TENM3: variants seen among roughly 807,000 people sequenced by gnomAD.
TENM3 encodes the protein teneurin transmembrane protein 3, also known as teneurin-3.
TENM3 carries 63 observed loss-of-function variants against 255.1 expected under a neutral mutation model. The observed-to-expected ratio is 0.25, with a 90% CI of 0.20 to 0.30. TENM3 has a LOEUF of 0.30. Among genes scored for constraint, TENM3 ranks in the 10% least tolerant of loss-of-function variants. TENM3 has a pLI of 1.00. For missense variants in TENM3, 2,929 were observed against 3,461.1 expected (o/e 0.85, Z 3.86); for synonymous variants, 1,306 against 1,322.3 (o/e 0.99, Z 0.27).
intron 12 of TENM3, among the ~76,000 whole-genome samples, chr4:182,706,262 A>T (rs1758275350): frequency 6.6e-6 from 1 of 152,150 alleles, no homozygotes; most frequent in African/African-American, 2.4e-5. Context: ...TAGCATTTTG[A>T]TCTTAGGAAA....
the TENM3 span, among the ~76,000 whole-genome samples, chr4:181,449,420 A>G: frequency 6.6e-6 from 1 of 152,148 alleles, no homozygotes; most frequent in Non-Finnish European, 1.5e-5. Context: ...GAAGGGGGAG[A>G]AAAGTGAGTA....
chr4:182,019,672 G>GGTT, the TENM3 span, among the ~76,000 whole-genome samples: 1 of 152,152 alleles, frequency 6.6e-6, no homozygotes, highest in African/African-American at 2.4e-5. Flanking sequence ...TATTTACTTG[G>GGTT]GTTGTTGTTG....
intron 24 of TENM3, among the ~76,000 whole-genome samples, chr4:182,775,816 A>C (rs187721968): frequency 6.6e-6 from 1 of 152,276 alleles, no homozygotes; most frequent in Admixed American, 6.5e-5. Context: ...ATGAGGCTCT[A>C]CTTTTTGCTA....
the TENM3 span, among the ~76,000 whole-genome samples, chr4:181,901,765 G>T: frequency 6.6e-6 from 1 of 152,088 alleles, no homozygotes; most frequent in Non-Finnish European, 1.5e-5. Context: ...TTAGTGTAAA[G>T]TTATGGATTA....
chr4:182,355,774 G>A (rs2150735488), intron 3 of TENM3, among the ~76,000 whole-genome samples: 1 of 152,216 alleles, frequency 6.6e-6, no homozygotes, highest in Admixed American at 6.5e-5. Context: ...GAGACTCAGT[G>A]AGTGATGGTA....
At chr4:182,485,191 T>A (rs973189905) in intron 3 of TENM3, among the ~76,000 whole-genome samples, 29 of 152,146 alleles carry the variant, frequency 1.9e-4, no homozygotes, top group African/African-American at 6.8e-4. Flanking sequence ...CTCGTTTGTA[T>A]TTTTAGGAGT....
intron 3 of TENM3, among the ~76,000 whole-genome samples, chr4:182,532,294 T>A (rs1739854604): frequency 1.3e-5 from 2 of 152,168 alleles, no homozygotes; most frequent in Non-Finnish European, 2.9e-5. Context: ...AACCTACCAT[T>A]TTGAAGATTC....
chr4:182,044,055 C>G, the TENM3 span, among the ~76,000 whole-genome samples: 4 of 152,082 alleles, frequency 2.6e-5, no homozygotes, highest in African/African-American at 7.2e-5. Flanking sequence ...CTCTGAGATA[C>G]ATATTGAAGG....
intron 22 of TENM3, among the ~76,000 whole-genome samples, chr4:182,766,162 AAGAG>A (rs1237021592): frequency 6.6e-6 from 1 of 152,138 alleles, no homozygotes; most frequent in African/African-American, 2.4e-5. Flanking sequence ...AGGAGAACAA[AAGAG>A]AAGGAGGGGT....
chr4:182,075,688 G>A, the TENM3 span, among the ~76,000 whole-genome samples: 1 of 152,028 alleles, frequency 6.6e-6, no homozygotes, highest in Admixed American at 6.6e-5. Flanking sequence ...TTCTGTCATT[G>A]CTCTGGACAA....
chr4:181,732,790 T>C, the TENM3 span, among the ~76,000 whole-genome samples: 1 of 151,834 alleles, frequency 6.6e-6, no homozygotes, highest in East Asian at 1.9e-4. Flanking sequence ...GGGCGGGGGA[T>C]GAGTGGAGTG....
the TENM3 span, among the ~76,000 whole-genome samples, chr4:182,089,181 C>A: frequency 1.3e-5 from 2 of 152,156 alleles, no homozygotes; most frequent in East Asian, 3.9e-4. Flanking sequence ...TGTGTATAAT[C>A]CACCCAGACT....
At chr4:181,554,359 C>T in the TENM3 span, among the ~76,000 whole-genome samples, 1 of 152,162 alleles carries the variant, frequency 6.6e-6, no homozygotes. Context: ...AAAGAATAAG[C>T]ATGCTTCCTG....
the TENM3 span, among the ~76,000 whole-genome samples, chr4:181,750,609 A>G: frequency 6.6e-6 from 1 of 152,164 alleles, no homozygotes; most frequent in African/African-American, 2.4e-5. Context: ...ATTCCAGGAC[A>G]TTAATTAGCC....
At chr4:182,428,213 A>G (rs762682246) in intron 3 of TENM3, among the ~76,000 whole-genome samples, 14 of 152,200 alleles carry the variant, frequency 9.2e-5, no homozygotes, top group Non-Finnish European at 1.9e-4. Flanking sequence ...AACTCCGGTT[A>G]CTTAAGTGAT....
At chr4:182,434,239 G>C (rs1200366550) in intron 3 of TENM3, among the ~76,000 whole-genome samples, 1 of 152,128 alleles carries the variant, frequency 6.6e-6, no homozygotes, top group African/African-American at 2.4e-5. Flanking sequence ...ACCGGGAAAG[G>C]AGGTGACTGA....
At chr4:182,478,898 G>A (rs1733929203) in intron 3 of TENM3, among the ~76,000 whole-genome samples, 1 of 151,884 alleles carries the variant, frequency 6.6e-6, no homozygotes, top group Admixed American at 6.6e-5. Context: ...GTTTTATTAG[G>A]GTGGGGATTA....
chr4:181,707,374 C>T, the TENM3 span, among the ~76,000 whole-genome samples: 5 of 152,300 alleles, frequency 3.3e-5, no homozygotes, highest in East Asian at 3.9e-4. Flanking sequence ...AAAAGTTCCA[C>T]GTGCTAATAT....
chr4:182,163,512 G>T (rs1340526910), intron 1 of TENM3, among the ~76,000 whole-genome samples: 2 of 152,166 alleles, frequency 1.3e-5, no homozygotes, highest in African/African-American at 4.8e-5. Context: ...TCCTTGATTT[G>T]CTCAGTAGAA....
Sources: gnomAD v4.1 joint callset for allele counts (sites outside exome capture counted in the v4.1 genomes callset) on GRCh38, gnomAD v4.1.1 for gene constraint, MANE v1.5 for transcripts, NCBI Gene and HGNC (gene_info 2026-07-23, HGNC 2026-07-21) for gene names.